VPS13D: variants seen among roughly 807,000 people sequenced by gnomAD.
VPS13D encodes intermembrane lipid transfer protein VPS13D.
A neutral mutation model predicts 461.9 loss-of-function variants in VPS13D; 187 were observed. That is an observed-to-expected ratio of 0.40 (90% CI 0.36 to 0.46). VPS13D has a LOEUF of 0.46. Among genes scored for constraint, VPS13D ranks in the 20% least tolerant of loss-of-function variants. The pLI, the probability that VPS13D is intolerant of heterozygous loss-of-function variation, is 0.60. For synonymous variants in VPS13D, 1,951 were observed against 1,986.3 expected (o/e 0.98, Z 0.47); for missense variants, 4,711 against 5,364.9 (o/e 0.88, Z 3.81).
At chr1:12,431,377 GA>G (rs1488931592) in intron 65 of VPS13D, among the ~76,000 whole-genome samples, 5 of 151,294 alleles carry the variant, frequency 3.3e-5, no homozygotes, top group African/African-American at 9.7e-5. Flanking sequence ...TATAGGTAGA[GA>G]AACTGAGACC....
chr1:12,401,854 G>C (rs1234833097), intron 62 of VPS13D, 150 bp downstream of exon 62: 1 of 616,274 alleles, frequency 1.6e-6, no homozygotes, highest in Middle Eastern at 3.3e-4. Flanking sequence ...TTGTGTTTCA[G>C]TTGTGCTTTT....
At chr1:12,392,096 G>A (rs1644434176) in intron 60 of VPS13D, among the ~76,000 whole-genome samples, 2 of 152,032 alleles carry the variant, frequency 1.3e-5, no homozygotes, top group African/African-American at 2.4e-5. Flanking sequence ...TCTTGGACTC[G>A]AGCCATCTGC....
intron 66 of VPS13D, among the ~76,000 whole-genome samples, chr1:12,456,981 T>A (rs1230484707): frequency 6.6e-6 from 1 of 152,228 alleles, no homozygotes; most frequent in East Asian, 1.9e-4. Flanking sequence ...AGCCCAGGTG[T>A]TTTTTAGTTT....
In VPS13D at chr1:12,461,944, T is replaced by C. The variant is rs1215494849; in HGVS notation, c.12662+1548T>C. Among the ~76,000 whole-genome samples the C allele has an allele frequency of 4.6e-5, 7 of 152,334 alleles. No homozygotes were observed. In the South Asian group the frequency reaches 1.4e-3, roughly 32 times the overall value. Reference sequence around the variant, plus strand: ...CCACAGTCACTGCAGAAAGAATGTCTTTGAGAGGGACATTCTTGTCATTTT... The same window carrying C: ...CCACAGTCACTGCAGAAAGAATGTCCTTGAGAGGGACATTCTTGTCATTTT... On this transcript the variant is annotated intron_variant, in intron 67 of 69. Transcript: ENST00000620676.
intron 13 of VPS13D, among the ~76,000 whole-genome samples, chr1:12,264,007 T>A (rs1569730864): frequency 6.6e-6 from 1 of 152,262 alleles, no homozygotes; most frequent in Non-Finnish European, 1.5e-5. Flanking sequence ...TGTCTCTGTG[T>A]CACATTTTAG....
intron 24 of VPS13D, among the ~76,000 whole-genome samples, chr1:12,297,575 G>A (rs1642310991): frequency 1.3e-5 from 2 of 152,192 alleles, no homozygotes; most frequent in Non-Finnish European, 2.9e-5. Context: ...GGAGATAGCA[G>A]AATTAAGTAG....
intron 47 of VPS13D, among the ~76,000 whole-genome samples, chr1:12,355,219 T>C (rs535051548): frequency 1.6e-4 from 25 of 152,362 alleles, no homozygotes; most frequent in African/African-American, 6.0e-4. Flanking sequence ...TCTTCAATCT[T>C]GTCTACCTAT....
Position 12,323,697 on chromosome 1 carries a change from G to T in VPS13D, c.7916-9G>T, listed in dbSNP as rs751186567. 8 of 1,611,688 alleles carry T rather than the reference G, an allele frequency of 5.0e-6. No homozygotes were observed. Among genetic ancestry groups the T allele is most frequent in the Non-Finnish European group, 6.8e-6 (8 of 1,178,740 alleles). Reference sequence around the variant, plus strand: ...TATTTATGAAAATTTTATGCTATTTGTTTCCTAGAGTTACAGCTGGCTAGG... The same window carrying T: ...TATTTATGAAAATTTTATGCTATTTTTTTCCTAGAGTTACAGCTGGCTAGG... On this transcript the variant is annotated splice_polypyrimidine_tract_variant and intron_variant, in intron 34 of 69. Transcript: ENST00000620676.
intron 40 of VPS13D, among the ~76,000 whole-genome samples, chr1:12,340,321 C>A (rs887007546): frequency 6.6e-6 from 1 of 152,140 alleles, no homozygotes; most frequent in Non-Finnish European, 1.5e-5. Context: ...TGGGAATACC[C>A]TGGAGACTGC....
chr1:12,348,688 G>A, intron 44 of VPS13D, 135 bp from the exon 45 acceptor site: 1 of 1,118,940 alleles, frequency 8.9e-7, no homozygotes, highest in Middle Eastern at 2.9e-4. Flanking sequence ...ATGGCTTTAG[G>A]GTTTTATGAC....
intron 67 of VPS13D, among the ~76,000 whole-genome samples, chr1:12,460,807 G>C (rs752726218): frequency 1.3e-5 from 2 of 152,100 alleles, no homozygotes; most frequent in Non-Finnish European, 2.9e-5. Context: ...TTGTAGTCTG[G>C]TTCTTACTCC....
chr1:12,268,350 T>C (rs1301021620), intron 15 of VPS13D, among the ~76,000 whole-genome samples: 3 of 150,584 alleles, frequency 2.0e-5, no homozygotes, highest in Admixed American at 1.3e-4. Context: ...AAAGAGGGAA[T>C]GTTTTCTGTT....
Position 12,485,308 on chromosome 1 carries a change from C to T in VPS13D, c.12663-12192C>T, listed in dbSNP as rs1182503683. On this transcript the variant is annotated intron_variant, in intron 67 of 69. Coordinates refer to ENST00000620676, the MANE Select transcript of VPS13D (RefSeq NM_015378.4). ...ACCGCAGCAGTGACCCACCAGCTTG[C>T]AATGCACGCAAACTGAAACAGGCAG... Among the ~76,000 whole-genome samples, 5 of 152,218 alleles carry T rather than the reference C, an allele frequency of 3.3e-5. No individual in the cohort carries two copies. In the South Asian group the frequency reaches 6.2e-4, roughly 19 times the overall value.
chr1:12,367,886 C>T (rs1042579801), intron 52 of VPS13D, among the ~76,000 whole-genome samples: 1 of 152,016 alleles, frequency 6.6e-6, no homozygotes, highest in Admixed American at 6.6e-5. Context: ...GGATTACAGG[C>T]GTGAGCCACC....
chr1:12,489,396 A>G (rs1404195623), intron 67 of VPS13D, among the ~76,000 whole-genome samples: 1 of 152,228 alleles, frequency 6.6e-6, no homozygotes, highest in African/African-American at 2.4e-5. Flanking sequence ...TGGATGTCAA[A>G]TTGCTAAAAA....
intron 53 of VPS13D, among the ~76,000 whole-genome samples, chr1:12,369,215 ATGTGTGTGTGTATCTGTGTGTGTGTGTG>A (rs1644082028): frequency 6.6e-6 from 1 of 151,146 alleles, no homozygotes; most frequent in Non-Finnish European, 1.5e-5. Flanking sequence ...ATATGTATAT[ATGTGTGTGTGTATCTGTGTGTGTGTGTG>A]TGTGTGTGTG....
chr1:12,262,127 G>A lies in VPS13D; in HGVS notation c.1594+47G>A, dbSNP rs770464412. 3.8e-6 allele frequency: 6 copies of A among 1,560,104 alleles called. No homozygotes were observed. In the African/African-American group the frequency reaches 4.1e-5, roughly 11 times the overall value. On this transcript the variant is annotated intron_variant, in intron 13 of 69. Transcript: ENST00000620676. Reference sequence around the variant, plus strand: ...ACCTGCCACTGTTGTCTCTCTGTGGGCCAATGTCCAGGCGATTCTCATTAT... The same window carrying A: ...ACCTGCCACTGTTGTCTCTCTGTGGACCAATGTCCAGGCGATTCTCATTAT...
chr1:12,382,410 T>C (rs74760183), intron 57 of VPS13D, among the ~76,000 whole-genome samples: 4,750 of 152,272 alleles, frequency 0.031, 110 homozygotes, highest in Non-Finnish European at 0.05. Context: ...TTGAAGTTTT[T>C]CTTTTAACAG....
chr1:12,269,674 CAGT>C (rs1397500421), intron 16 of VPS13D, among the ~76,000 whole-genome samples: 1 of 152,188 alleles, frequency 6.6e-6, no homozygotes, highest in African/African-American at 2.4e-5. Flanking sequence ...AGATTTGAAA[CAGT>C]AGGTGCAGAA....
Sources: allele counts gnomAD v4.1 joint callset (sites outside exome capture counted in the v4.1 genomes callset), GRCh38; gene constraint gnomAD v4.1.1; transcripts MANE v1.5; gene names NCBI Gene and HGNC (gene_info 2026-07-23, HGNC 2026-07-21).